Variants in HCRTR2 observed in about 807,000 individuals in gnomAD.
HCRTR2 encodes the protein hypocretin receptor 2, also known as orexin receptor type 2.
HCRTR2 carries 22 observed loss-of-function variants against 49.0 expected under a neutral mutation model. That is an observed-to-expected ratio of 0.45 (90% confidence interval 0.32 to 0.64). The LOEUF (loss-of-function observed/expected upper bound fraction) is 0.64. HCRTR2 is among the 30% of genes least tolerant of loss of function. HCRTR2 has a pLI of 0.04. For synonymous variants in HCRTR2, 236 were observed against 205.3 expected, an observed-to-expected ratio of 1.15 and a Z score of -1.28; for missense variants, 491 against 559.4, an observed-to-expected ratio of 0.88 and a Z score of 1.23.
At chr6:55,242,101 C>A (rs552581546) in intron 1 of HCRTR2, among the ~76,000 whole-genome samples, 1 of 151,882 alleles carries the variant, frequency 6.6e-6, no homozygotes, top group Non-Finnish European at 1.5e-5. Flanking sequence ...AACTCCTGAT[C>A]TCAGGGGATC....
chr6:55,198,392 C>T (rs1485114398), intron 1 of HCRTR2, among the ~76,000 whole-genome samples: 1 of 152,130 alleles, frequency 6.6e-6, no homozygotes, highest in Non-Finnish European at 1.5e-5. Context: ...AAAATTAACC[C>T]CAACACTATC....
chr6:55,173,136 A>G (rs570167602), upstream of HCRTR2, among the ~76,000 whole-genome samples: 131 of 152,352 alleles, frequency 8.6e-4, no homozygotes, highest in Non-Finnish European at 1.6e-3. Context: ...TTTATTTTGA[A>G]TCTGTGAAGC....
At chr6:55,194,233 G>C (rs1387874642) in intron 1 of HCRTR2, among the ~76,000 whole-genome samples, 2 of 152,074 alleles carry the variant, frequency 1.3e-5, no homozygotes, top group African/African-American at 2.4e-5. Context: ...CCTTTAGGAT[G>C]CATGTATTAT....
intron 1 of HCRTR2, among the ~76,000 whole-genome samples, chr6:55,230,432 C>T (rs1766092413): frequency 6.6e-6 from 1 of 152,122 alleles, no homozygotes; most frequent in African/African-American, 2.4e-5. Flanking sequence ...CAGAAACTCC[C>T]AAGAGTTTGC....
chr6:55,232,038 C>G (rs986180900), intron 1 of HCRTR2, among the ~76,000 whole-genome samples: 2 of 152,126 alleles, frequency 1.3e-5, no homozygotes, highest in Admixed American at 6.5e-5. Context: ...TTCCTAAACA[C>G]ATTTTTGTAT....
chr6:55,183,472 A>G (rs1765167074), intron 1 of HCRTR2, among the ~76,000 whole-genome samples: 1 of 152,242 alleles, frequency 6.6e-6, no homozygotes, highest in Non-Finnish European at 1.5e-5. Context: ...GAAGCAGTAA[A>G]TAAGGATTGG....
chr6:55,247,132 G>A (rs537961961), intron 1 of HCRTR2, among the ~76,000 whole-genome samples: 3 of 151,934 alleles, frequency 2.0e-5, no homozygotes, highest in Non-Finnish European at 4.4e-5. Flanking sequence ...GCTAGGGTGG[G>A]TTTGTGTGTG....
At chr6:55,111,718 A>C (rs1764050595) in intron 1 of HCRTR2, among the ~76,000 whole-genome samples, 1 of 152,020 alleles carries the variant, frequency 6.6e-6, no homozygotes, top group African/African-American at 2.4e-5. Flanking sequence ...TCTATTAGAA[A>C]TTCAAAGAAT....
At chr6:55,218,735 C>A (rs1353973533) in intron 1 of HCRTR2, among the ~76,000 whole-genome samples, 2 of 152,158 alleles carry the variant, frequency 1.3e-5, no homozygotes, top group African/African-American at 4.8e-5. Flanking sequence ...TATATGTATT[C>A]AATCTTAGGG....
At chr6:55,167,208 A>G (rs1427671522) in intron 1 of HCRTR2, among the ~76,000 whole-genome samples, 3 of 152,152 alleles carry the variant, frequency 2.0e-5, no homozygotes, top group Non-Finnish European at 2.9e-5. Flanking sequence ...ACAAAGAGAA[A>G]TTTCCACACA....
chr6:55,234,956 T>C (rs1766186904), intron 1 of HCRTR2, among the ~76,000 whole-genome samples: 2 of 152,058 alleles, frequency 1.3e-5, no homozygotes, highest in South Asian at 2.1e-4. Context: ...TTTCCATCAA[T>C]TGTAGAGTAT....
At chr6:55,224,053 A>C (rs762305202) in intron 1 of HCRTR2, among the ~76,000 whole-genome samples, 1 of 152,216 alleles carries the variant, frequency 6.6e-6, no homozygotes, top group Non-Finnish European at 1.5e-5. Context: ...TTAGATAATG[A>C]GTCATCTTAG....
chr6:55,144,626 G>A (rs769106836), intron 1 of HCRTR2, among the ~76,000 whole-genome samples: 28 of 152,076 alleles, frequency 1.8e-4, no homozygotes, highest in Non-Finnish European at 2.1e-4. Flanking sequence ...TAAGTAGAGC[G>A]CACGTTGGAT....
intron 1 of HCRTR2, among the ~76,000 whole-genome samples, chr6:55,159,315 AC>A (rs1764774111): frequency 6.6e-6 from 1 of 151,890 alleles, no homozygotes; most frequent in Admixed American, 6.5e-5. Flanking sequence ...GCACATCCGC[AC>A]AAAAACCCCA....
In HCRTR2 at chr6:55,280,416, G is replaced by A. The variant is rs758823526; in HGVS notation, c.1077G>A (p.Ala359=). ...GGCTTGTATATGCCAATAGTGCTGC[G>A]AATCCAATTATTTATAATTTTCTCA... ...SHWLVYANSA[A]NPIIYNFLSG... is the part of the protein sequence containing the mutation. The change falls in exon 6 of 7, where the codon GCG becomes GCA. Residue 359 remains alanine (A), a synonymous_variant. Coordinates refer to ENST00000370862, the MANE Select transcript of HCRTR2 (RefSeq NM_001384272.1). 14 of 1,612,026 alleles carry A rather than the reference G, an allele frequency of 8.7e-6. No homozygotes were observed. Among genetic ancestry groups the A allele is most frequent in the South Asian group, 3.3e-5 (3 of 91,052 alleles).
chr6:55,203,655 T>C (rs1158669568), intron 1 of HCRTR2, among the ~76,000 whole-genome samples: 1 of 152,090 alleles, frequency 6.6e-6, no homozygotes, highest in Non-Finnish European at 1.5e-5. Flanking sequence ...TAAGGTGACA[T>C]TTGAGCAAAA....
intron 1 of HCRTR2, among the ~76,000 whole-genome samples, chr6:55,179,261 G>A (rs1561997278): frequency 6.6e-6 from 1 of 152,014 alleles, no homozygotes; most frequent in Non-Finnish European, 1.5e-5. Flanking sequence ...GCAAAAAGGG[G>A]TTATTTCTAA....
At chr6:55,146,894 A>G (rs1581794395) in intron 1 of HCRTR2, among the ~76,000 whole-genome samples, 1 of 152,298 alleles carries the variant, frequency 6.6e-6, no homozygotes, top group East Asian at 1.9e-4. Flanking sequence ...AGTTTAGGGC[A>G]GTACTTCCAA....
At chr6:55,114,845 A>G (rs539547848) in intron 1 of HCRTR2, among the ~76,000 whole-genome samples, 11 of 151,788 alleles carry the variant, frequency 7.2e-5, no homozygotes, top group Non-Finnish European at 1.3e-4. Context: ...AGTAGAAGAT[A>G]CTTACCCTAA....
Sources: gnomAD v4.1 joint callset for allele counts (sites outside exome capture counted in the v4.1 genomes callset) on GRCh38, gnomAD v4.1.1 for gene constraint, MANE v1.5 for transcripts, NCBI Gene and HGNC (gene_info 2026-07-23, HGNC 2026-07-21) for gene names.